MAML2: variants seen among roughly 807,000 people sequenced by gnomAD.
The protein encoded by MAML2 is mastermind like transcriptional coactivator 2.
Under a neutral mutation model 96.1 loss-of-function variants are expected in MAML2, and 22 were observed. The observed-to-expected ratio is 0.23, with a 90% confidence interval of 0.16 to 0.33. MAML2 has a LOEUF of 0.33. MAML2 is among the 10% of genes least tolerant of loss of function. The pLI is 1.00. For synonymous variants in MAML2, 561 were observed against 521.3 expected, an observed-to-expected ratio of 1.08 and a Z score of -1.04; for missense variants, 1,367 against 1,392.4, an observed-to-expected ratio of 0.98 and a Z score of 0.29.
chr11:96,031,349 G>T (rs1858611354), intron 2 of MAML2, among the ~76,000 whole-genome samples: 1 of 151,808 alleles, frequency 6.6e-6, no homozygotes, highest in Non-Finnish European at 1.5e-5. Flanking sequence ...GTGTGTGTGT[G>T]TGTGTGTGTT....
chr11:95,978,596 T>C lies in MAML2; in HGVS notation c.*352A>G. The C allele has an allele frequency of 3.7e-6, 1 of 266,670 alleles. No homozygotes were observed. Among genetic ancestry groups the C allele is most frequent in the Non-Finnish European group, 7.1e-6 (1 of 141,010 alleles). 16.5% of individuals were successfully genotyped at this position (266,670 alleles called of 1,614,324 possible). A position where few individuals can be genotyped will look rare whatever the true frequency, so the allele number is the denominator to read the frequency against. On this transcript the variant is annotated 3_prime_UTR_variant, in exon 5 of 5. Transcript: ENST00000524717. ...ACCTCCTCATGACATGGGGTTTAAATAAACTACAAGTTCTATTACCTTTTT... is the reference window on the plus strand; with the variant it reads ...ACCTCCTCATGACATGGGGTTTAAACAAACTACAAGTTCTATTACCTTTTT...
intron 1 of MAML2, among the ~76,000 whole-genome samples, chr11:96,326,802 A>G (rs1863792379): frequency 1.3e-5 from 2 of 151,822 alleles, no homozygotes; most frequent in African/African-American, 4.9e-5. Context: ...AAACAAAAAA[A>G]AAACTATCTT....
chr11:96,069,629 A>G (rs79041820), intron 2 of MAML2, among the ~76,000 whole-genome samples: 56,287 of 152,076 alleles, frequency 0.37, 11,168 homozygotes, highest in Non-Finnish European at 0.45. Context: ...GTGAGTCGCC[A>G]TAATGCCAGT....
chr11:96,228,075 C>T (rs1862240297), intron 1 of MAML2, among the ~76,000 whole-genome samples: 1 of 152,172 alleles, frequency 6.6e-6, no homozygotes, highest in Admixed American at 6.5e-5. Context: ...GCACTCCAGC[C>T]TGGGGGGAGA....
intron 1 of MAML2, among the ~76,000 whole-genome samples, chr11:96,235,031 C>T (rs1287367310): frequency 6.6e-6 from 1 of 151,968 alleles, no homozygotes; most frequent in Admixed American, 6.6e-5. Flanking sequence ...CATAAACAAC[C>T]TTTTCTCAAG....
At chr11:96,017,480 T>C (rs1004990189) in intron 2 of MAML2, among the ~76,000 whole-genome samples, 1 of 150,992 alleles carries the variant, frequency 6.6e-6, no homozygotes, top group African/African-American at 2.4e-5. Context: ...GGGGTTATAG[T>C]GGTAAATAAA....
chr11:96,208,343 C>T (rs1165497595), intron 1 of MAML2, among the ~76,000 whole-genome samples: 1 of 152,216 alleles, frequency 6.6e-6, no homozygotes, highest in African/African-American at 2.4e-5. Context: ...CCCAGTGTGC[C>T]TGGCACCCAA....
At chr11:96,163,089 G>A (rs957085671) in intron 1 of MAML2, among the ~76,000 whole-genome samples, 1 of 152,118 alleles carries the variant, frequency 6.6e-6, no homozygotes, top group Non-Finnish European at 1.5e-5. Context: ...CAAACTTCAC[G>A]GGCTTCCTTT....
intron 2 of MAML2, among the ~76,000 whole-genome samples, chr11:96,047,096 A>G (rs1350966636): frequency 2.0e-5 from 3 of 152,172 alleles, no homozygotes; most frequent in Admixed American, 2.0e-4. Flanking sequence ...TTACATGTCT[A>G]AGTTTGCTTG....
At chr11:96,186,975 T>A (rs1861585994) in intron 1 of MAML2, among the ~76,000 whole-genome samples, 1 of 152,218 alleles carries the variant, frequency 6.6e-6, no homozygotes, top group Admixed American at 6.5e-5. Flanking sequence ...CATTTTAAAA[T>A]TGTGACTCAA....
intron 1 of MAML2, among the ~76,000 whole-genome samples, chr11:96,198,827 A>G (rs543054395): frequency 1.3e-5 from 2 of 152,206 alleles, no homozygotes; most frequent in South Asian, 4.1e-4. Context: ...CAGCCACTCT[A>G]GCAGCTAGGG....
chr11:96,015,341 C>A (rs532203236), intron 2 of MAML2, among the ~76,000 whole-genome samples: 1 of 152,128 alleles, frequency 6.6e-6, no homozygotes, highest in South Asian at 2.1e-4. Context: ...TTTTCCAAAC[C>A]CCAGTTTCCT....
In MAML2 at chr11:96,342,574, C is replaced by T. The variant is rs1030744816; in HGVS notation, c.-679G>A. On this transcript the variant is annotated 5_prime_UTR_variant, in exon 1 of 5. Transcript: ENST00000524717. ...ATTTTTCCTCCCTTTCCTTTCGCTC[C>T]GGTGTTTTCTCCTCTTTGGGGTACT... 2.5e-6 allele frequency: 1 copy of T among 395,468 alleles called. No individual in the cohort carries two copies. The highest frequency in any genetic ancestry group is 4.5e-6 in the Non-Finnish European group (1 of 224,654). 24.5% of individuals were successfully genotyped at this position (395,468 alleles called of 1,614,324 possible).
At chr11:96,083,644 G>T (rs1859561600) in intron 2 of MAML2, among the ~76,000 whole-genome samples, 1 of 152,158 alleles carries the variant, frequency 6.6e-6, no homozygotes. Flanking sequence ...GGAGGGGATG[G>T]GCTCTTAAAG....
intron 2 of MAML2, among the ~76,000 whole-genome samples, chr11:96,010,920 T>G (rs1858256158): frequency 6.6e-6 from 1 of 152,228 alleles, no homozygotes; most frequent in East Asian, 1.9e-4. Flanking sequence ...GTCACTTTAA[T>G]CCAGAAAAAT....
chr11:96,306,006 C>T (rs866691142), intron 1 of MAML2, among the ~76,000 whole-genome samples: 1 of 152,054 alleles, frequency 6.6e-6, no homozygotes. Flanking sequence ...AAGAAACATA[C>T]CTTTCTTCTT....
chr11:96,243,330 CG>C lies in MAML2; in HGVS notation c.513+98052del, dbSNP rs199859408. 4.6e-3 allele frequency among the ~76,000 whole-genome samples: 702 copies of C among 152,278 alleles called. 21 individuals carry two copies. The East Asian group carries it at 0.046, about 10-fold the overall frequency. The stretch of plus-strand genomic sequence containing the variant: ...AAGCAGAGCAAGGAGGCGGGGGAGG[CG>C]GGGTTGGCTGTCGGGAATTGCCTGC... On this transcript the variant is annotated intron_variant, in intron 1 of 4. Transcript: ENST00000524717.
intron 1 of MAML2, among the ~76,000 whole-genome samples, chr11:96,325,339 T>A (rs1261492072): frequency 6.6e-6 from 1 of 152,128 alleles, no homozygotes; most frequent in African/African-American, 2.4e-5. Flanking sequence ...TAAACGAGGG[T>A]AGTAATACTC....
At position 95,978,749 on chromosome 11, in the gene MAML2, T is replaced by C. The variant is rs1724607073; in HGVS notation, c.*199A>G. 1 of 566,972 alleles carries C rather than the reference T, an allele frequency of 1.8e-6. No individual in the cohort carries two copies. Among genetic ancestry groups the C allele is most frequent in the Non-Finnish European group, 3.1e-6 (1 of 326,758 alleles). 35.1% of individuals were successfully genotyped at this position (566,972 alleles called of 1,614,324 possible). On this transcript the variant is annotated 3_prime_UTR_variant, in exon 5 of 5. Coordinates refer to ENST00000524717, the MANE Select transcript of MAML2 (RefSeq NM_032427.4). The stretch of plus-strand genomic sequence containing the variant: ...TTTAGACAGGGAAAAGTGATCCCAA[T>C]ATTTTACTTTCAGGTGTAAGATTTA...
Sources: allele counts gnomAD v4.1 joint callset (sites outside exome capture counted in the v4.1 genomes callset), GRCh38; gene constraint gnomAD v4.1.1; transcripts MANE v1.5; gene names NCBI Gene and HGNC (gene_info 2026-07-23, HGNC 2026-07-21).